IL1RAPL2: variants seen among roughly 807,000 people sequenced by gnomAD.
The protein encoded by IL1RAPL2 is X-linked interleukin-1 receptor accessory protein-like 2.
Under a neutral mutation model 44.1 loss-of-function variants are expected in IL1RAPL2, and 3 were observed. The observed-to-expected ratio is 0.07, with a 90% CI of 0.03 to 0.18. IL1RAPL2 has a LOEUF of 0.18. Among genes scored for constraint, IL1RAPL2 ranks in the 10% least tolerant of loss-of-function variants. The probability of loss-of-function intolerance (pLI) is 1.00; values close to 1 mark genes in which losing one functional copy is unlikely to be tolerated. For missense variants in IL1RAPL2, 391 were observed against 496.4 expected (o/e 0.79, Z 2.02); for synonymous variants, 181 against 178.8 (o/e 1.01, Z -0.10).
intron 5 of IL1RAPL2, among the ~76,000 whole-genome samples, chrX:105,392,984 A>G (rs1197118032): frequency 1.8e-5 from 2 of 112,656 alleles, no homozygotes; most frequent in Non-Finnish European, 3.7e-5. Context: ...GAACTAATGT[A>G]CTAGCGTAAT....
At chrX:105,384,326 T>C (rs1256318982) in intron 5 of IL1RAPL2, among the ~76,000 whole-genome samples, 1 of 111,840 alleles carries the variant, frequency 8.9e-6, no homozygotes, top group East Asian at 2.8e-4. Context: ...ATTTTGCATA[T>C]GGATATCCAG....
chrX:105,602,872 A>G (rs1417129702), intron 6 of IL1RAPL2, among the ~76,000 whole-genome samples: 1 of 110,046 alleles, frequency 9.1e-6, no homozygotes, highest in Non-Finnish European at 1.9e-5. Context: ...GAAATAAAGT[A>G]TTTCTCAGAC....
chrX:105,498,050 G>A (rs1489103652), intron 6 of IL1RAPL2, among the ~76,000 whole-genome samples: 1 of 111,684 alleles, frequency 9.0e-6, no homozygotes, highest in East Asian at 2.8e-4. Context: ...GGAAGTCATT[G>A]CCAGAGCGAT....
chrX:104,761,612 C>T (rs1390712022), intron 2 of IL1RAPL2, among the ~76,000 whole-genome samples: 1 of 111,755 alleles, frequency 8.9e-6, no homozygotes, highest in Admixed American at 9.4e-5. Flanking sequence ...TCCAAAGTCT[C>T]ATCTGACACA....
At chrX:105,329,162 T>C (rs2034966262) in intron 5 of IL1RAPL2, among the ~76,000 whole-genome samples, 1 of 112,401 alleles carries the variant, frequency 8.9e-6, no homozygotes, top group Non-Finnish European at 1.9e-5. Context: ...TGATACATTG[T>C]TGAGATGACC....
chrX:105,658,990 G>T (rs1000502804), intron 6 of IL1RAPL2, among the ~76,000 whole-genome samples: 14 of 108,108 alleles, frequency 1.3e-4, no homozygotes, highest in Non-Finnish European at 2.3e-4. Flanking sequence ...AATTAGGTGT[G>T]GTGGCACGTG....
intron 5 of IL1RAPL2, among the ~76,000 whole-genome samples, chrX:105,425,426 T>C: frequency 9.1e-6 from 1 of 109,585 alleles, no homozygotes; most frequent in African/African-American, 3.3e-5. Flanking sequence ...TTAAGGTGAA[T>C]GGGAACATCT....
chrX:105,706,307 C>T (rs890711129), intron 6 of IL1RAPL2, among the ~76,000 whole-genome samples: 1 of 111,943 alleles, frequency 8.9e-6, no homozygotes, highest in African/African-American at 3.2e-5. Flanking sequence ...TAAAGATACA[C>T]ATTAATTTTC....
chrX:105,691,154 A>C (rs1036128323), intron 6 of IL1RAPL2, among the ~76,000 whole-genome samples: 1 of 111,474 alleles, frequency 9.0e-6, no homozygotes, highest in Non-Finnish European at 1.9e-5. Context: ...AATTCAGTCC[A>C]TGGCATATCC....
chrX:104,620,639 CAAAAAAAAAAAAAAAA>C (rs771769782), intron 1 of IL1RAPL2, among the ~76,000 whole-genome samples: 1,397 of 14,682 alleles, frequency 0.095, 66 homozygotes, highest in African/African-American at 0.24. Flanking sequence ...GAGTCTGTCT[CAAAAAAAAAAAAAAAA>C]AAAAAAAAAA....
At chrX:105,747,907 A>G (rs1384321282) in intron 8 of IL1RAPL2, among the ~76,000 whole-genome samples, 1 of 111,038 alleles carries the variant, frequency 9.0e-6, no homozygotes, top group African/African-American at 3.3e-5. Flanking sequence ...GTAATTATGT[A>G]ATTACGTTAA....
Position 104,883,411 on chromosome X carries a change from TG to T in IL1RAPL2, c.82+224419del, listed in dbSNP as rs771453876. On this transcript the variant is annotated intron_variant, in intron 2 of 10. Transcript: ENST00000372582. ...CAAGCTTCTGCTTTTCCTGTACTTC[TG>T]GGCTGAGTCAAGGTCAACAGAGAGG... is the stretch of plus-strand genomic sequence containing the variant. Among the ~76,000 whole-genome samples, 29 of 111,113 alleles carry T rather than the reference TG, an allele frequency of 2.6e-4. No homozygotes were observed. The East Asian group carries it at 6.9e-3, about 26-fold the overall frequency.
At chrX:105,093,428 A>T (rs1272393531) in intron 2 of IL1RAPL2, among the ~76,000 whole-genome samples, 1 of 111,483 alleles carries the variant, frequency 9.0e-6, no homozygotes, top group Non-Finnish European at 1.9e-5. Context: ...CTCCAATCAC[A>T]GTATAGCCAG....
chrX:104,768,101 T>C (rs974865535), intron 2 of IL1RAPL2, among the ~76,000 whole-genome samples: 1 of 111,997 alleles, frequency 8.9e-6, no homozygotes, highest in African/African-American at 3.2e-5. Flanking sequence ...ATGGAATGTC[T>C]CAATTTAGCT....
intron 5 of IL1RAPL2, among the ~76,000 whole-genome samples, chrX:105,348,861 G>A (rs1287227645): frequency 8.9e-6 from 1 of 111,948 alleles, no homozygotes; most frequent in East Asian, 2.8e-4. Context: ...TTGTTTGAAT[G>A]TGGTGATCTG....
rs534146965 is a variant in IL1RAPL2 at position 105,368,003 on chromosome X, A to G, written c.697+100462A>G. On this transcript the variant is annotated intron_variant, in intron 5 of 10. Coordinates refer to ENST00000372582, the MANE Select transcript of IL1RAPL2 (RefSeq NM_017416.2). ...ATCTCCCCTTCATTTTTGAAGGACA[A>G]GATTGCAGGGTGCTATGGTTTGAGT... Among the ~76,000 whole-genome samples, 8 of 110,354 alleles carry G rather than the reference A, an allele frequency of 7.2e-5. No individual in the cohort carries two copies. The South Asian group carries it at 2.7e-3, about 37-fold the overall frequency.
At chrX:105,219,504 G>C (rs782698296) in intron 3 of IL1RAPL2, 2 of 1,207,038 alleles carry the variant, frequency 1.7e-6, no homozygotes, top group East Asian at 3.0e-5. Flanking sequence ...AGGCAGCCCT[G>C]GCCTCCACGT....
At chrX:104,877,058 C>T (rs2147655778) in intron 2 of IL1RAPL2, among the ~76,000 whole-genome samples, 1 of 110,637 alleles carries the variant, frequency 9.0e-6, no homozygotes, top group African/African-American at 3.3e-5. Flanking sequence ...AGGACATGAA[C>T]TCATCATTTT....
rs754816653 is a variant in IL1RAPL2 at position 105,118,804 on chromosome X, T to C, written c.83-76671T>C. On this transcript the variant is annotated intron_variant, in intron 2 of 10. Coordinates refer to ENST00000372582, the MANE Select transcript of IL1RAPL2 (RefSeq NM_017416.2). ...AGAGATGTGAGCGTATTCGGAAATG[T>C]TCATCATGTGCCATAGCTCAAAAAA... Among the ~76,000 whole-genome samples the C allele has an allele frequency of 2.8e-4, 31 of 112,202 alleles. No individual in the cohort carries two copies. The South Asian group carries it at 6.3e-3, about 23-fold the overall frequency.
Sources: allele counts gnomAD v4.1 joint callset (sites outside exome capture counted in the v4.1 genomes callset), GRCh38; gene constraint gnomAD v4.1.1; transcripts MANE v1.5; gene names NCBI Gene and HGNC (gene_info 2026-07-23, HGNC 2026-07-21).